Variants in PPP2R2B observed in about 807,000 individuals in gnomAD.
PPP2R2B encodes the protein serine/threonine-protein phosphatase 2A 55 kDa regulatory subunit B beta isoform.
Under a neutral mutation model 46.0 loss-of-function variants are expected in PPP2R2B, and 5 were observed. The ratio of observed to expected loss-of-function variants is 0.11; its 90% CI spans 0.06 to 0.23. The LOEUF (loss-of-function observed/expected upper bound fraction) is 0.23, where lower values mean the gene tolerates loss of function less well. Ranked by LOEUF, PPP2R2B falls within the 10% of genes least tolerant of loss-of-function variation. PPP2R2B has a pLI of 1.00. For synonymous variants in PPP2R2B, 215 were observed against 206.7 expected, an observed-to-expected ratio of 1.04 and a Z score of -0.34; for missense variants, 367 against 575.0, an observed-to-expected ratio of 0.64 and a Z score of 3.70.
chr5:146,799,589 C>T (rs1756741923), intron 2 of PPP2R2B, among the ~76,000 whole-genome samples: 1 of 152,020 alleles, frequency 6.6e-6, no homozygotes, highest in Non-Finnish European at 1.5e-5. Flanking sequence ...AGTGCTGCAA[C>T]CCAAAAGAAC....
At chr5:146,618,236 A>T (rs1341748460) in intron 7 of PPP2R2B, among the ~76,000 whole-genome samples, 1 of 152,188 alleles carries the variant, frequency 6.6e-6, no homozygotes, top group Non-Finnish European at 1.5e-5. Context: ...GAATAACCGT[A>T]TATGAGAAAG....
intron 2 of PPP2R2B, among the ~76,000 whole-genome samples, chr5:146,850,633 G>A (rs1031917708): frequency 2.6e-5 from 4 of 151,974 alleles, no homozygotes; most frequent in Non-Finnish European, 4.4e-5. Flanking sequence ...TATGACTTTC[G>A]GATTTAGCAA....
At chr5:146,900,093 G>T (rs1178816853) in intron 1 of PPP2R2B, among the ~76,000 whole-genome samples, 1 of 152,214 alleles carries the variant, frequency 6.6e-6, no homozygotes, top group Non-Finnish European at 1.5e-5. Context: ...GGCTGGGGCT[G>T]GGGAACCGGA....
intron 7 of PPP2R2B, among the ~76,000 whole-genome samples, chr5:146,621,713 C>T (rs75377541): frequency 3.9e-4 from 60 of 152,312 alleles, no homozygotes; most frequent in African/African-American, 1.3e-3. Context: ...GCCATTAACA[C>T]GTGGGCTATC....
At chr5:146,632,061 GCCCCC>G (rs58956274) in intron 7 of PPP2R2B, among the ~76,000 whole-genome samples, 5 of 103,998 alleles carry the variant, frequency 4.8e-5, no homozygotes, top group African/African-American at 1.8e-4. Context: ...GCTGAGTTGT[GCCCCC>G]CCCCCCGCCC....
At chr5:146,848,938 T>C (rs1349854161) in intron 2 of PPP2R2B, among the ~76,000 whole-genome samples, 2 of 152,258 alleles carry the variant, frequency 1.3e-5, no homozygotes, top group Non-Finnish European at 2.9e-5. Context: ...TTCAATGCTA[T>C]ATTTTATTGC....
chr5:146,723,535 T>C (rs1158518387), intron 2 of PPP2R2B, among the ~76,000 whole-genome samples: 2 of 152,160 alleles, frequency 1.3e-5, no homozygotes, highest in Non-Finnish European at 2.9e-5. Context: ...GTCATTAAGC[T>C]GAATACAAAA....
At position 146,614,918 on chromosome 5, in the gene PPP2R2B, T is replaced by G. The variant is rs1308043320; in HGVS notation, c.791-14458A>C. Among the ~76,000 whole-genome samples, 4 of 118,878 alleles carry G rather than the reference T, an allele frequency of 3.4e-5. 1 individual carries two copies. Among genetic ancestry groups the G allele is most frequent in the African/African-American group, 9.1e-5 (2 of 22,064 alleles). 78.0% of individuals were successfully genotyped at this position (118,878 alleles called of 152,430 possible). A position where few individuals can be genotyped will look rare whatever the true frequency, so the allele number is the denominator to read the frequency against. ...CACTGTTGGTGGGACTGTAAACTAG[T>G]TCAACCATTGTGGAAGTCAGTATGG... On this transcript the variant is annotated intron_variant, in intron 7 of 9. Coordinates refer to ENST00000394411, the MANE Select transcript of PPP2R2B (RefSeq NM_181675.4).
intron 1 of PPP2R2B, among the ~76,000 whole-genome samples, chr5:146,974,893 G>A (rs1481293165): frequency 6.6e-6 from 1 of 152,064 alleles, no homozygotes; most frequent in Admixed American, 6.5e-5. Context: ...GTTTCACCAT[G>A]TTAGCCAGGA....
chr5:146,592,873 T>C, intron 9 of PPP2R2B, 98 bp downstream of exon 9: 1 of 1,231,966 alleles, frequency 8.1e-7, no homozygotes. Context: ...TGGGGCCCAA[T>C]TTTGACCTCC....
intron 2 of PPP2R2B, among the ~76,000 whole-genome samples, chr5:146,751,903 T>G (rs941953012): frequency 6.6e-6 from 1 of 152,004 alleles, no homozygotes. Context: ...CAGGAGCACA[T>G]TTGGCCTATT....
At chr5:147,063,134 A>G (rs181245389) in intron 2 of PPP2R2B, among the ~76,000 whole-genome samples, 2 of 152,178 alleles carry the variant, frequency 1.3e-5, no homozygotes, top group East Asian at 3.9e-4. Flanking sequence ...TAATAAATAT[A>G]TAAATATTAC....
chr5:146,803,814 T>A (rs1757008331), intron 2 of PPP2R2B, among the ~76,000 whole-genome samples: 1 of 152,166 alleles, frequency 6.6e-6, no homozygotes, highest in Admixed American at 6.5e-5. Flanking sequence ...ATCTGCAAAG[T>A]AGGGAGAAAT....
chr5:146,905,593 G>T (rs1398621425), intron 1 of PPP2R2B, among the ~76,000 whole-genome samples: 2 of 151,962 alleles, frequency 1.3e-5, no homozygotes, highest in Non-Finnish European at 2.9e-5. Flanking sequence ...GCCAAAAACT[G>T]GAACAGCCCA....
In PPP2R2B at chr5:146,584,450, G is replaced by A. The variant is rs534806566; in HGVS notation, c.*5497C>T. On this transcript the variant is annotated 3_prime_UTR_variant, in exon 10 of 10. Transcript: ENST00000394411. Reference sequence around the variant, plus strand: ...CGTGTTTGTGAGTATCCACGCTAGGGAAAATAATCAAGCCAAGGTAACTCT... The same window carrying A: ...CGTGTTTGTGAGTATCCACGCTAGGAAAAATAATCAAGCCAAGGTAACTCT... 2 of 152,174 alleles carry A rather than the reference G, an allele frequency of 1.3e-5. No individual in the cohort carries two copies. The highest frequency in any genetic ancestry group is 4.8e-5 in the African/African-American group (2 of 41,440). The allele number at this position is 152,174 out of a possible 1,614,324, so 9.4% of individuals were successfully genotyped here. A position where few individuals can be genotyped will look rare whatever the true frequency, so the allele number is the denominator to read the frequency against.
At chr5:146,919,907 T>A (rs1478163750) in intron 1 of PPP2R2B, 1 of 152,130 alleles carries the variant, frequency 6.6e-6, no homozygotes, top group South Asian at 2.1e-4. Flanking sequence ...ATTAAACCAG[T>A]TTGCGTATCA....
At chr5:146,683,493 T>C (rs1234561603) in intron 5 of PPP2R2B, among the ~76,000 whole-genome samples, 1 of 152,182 alleles carries the variant, frequency 6.6e-6, no homozygotes, top group Non-Finnish European at 1.5e-5. Context: ...ATAATATCAG[T>C]GCCTATGTTA....
intron 1 of PPP2R2B, among the ~76,000 whole-genome samples, chr5:146,920,676 G>T (rs1029161594): frequency 2.0e-5 from 3 of 152,122 alleles, no homozygotes; most frequent in Non-Finnish European, 4.4e-5. Flanking sequence ...GGCTGGCTAC[G>T]GGGGAGAGAG....
chr5:146,901,849 T>C (rs1353712795), intron 1 of PPP2R2B, among the ~76,000 whole-genome samples: 2 of 152,138 alleles, frequency 1.3e-5, no homozygotes, highest in African/African-American at 4.8e-5. Context: ...AATGGAATAG[T>C]AGTGCAAACA....
Sources: gnomAD v4.1 joint callset for allele counts (sites outside exome capture counted in the v4.1 genomes callset) on GRCh38, gnomAD v4.1.1 for gene constraint, MANE v1.5 for transcripts, NCBI Gene and HGNC (gene_info 2026-07-23, HGNC 2026-07-21) for gene names.